Variants in ABI3BP observed in about 807,000 individuals in gnomAD.
ABI3BP encodes target of Nesh-SH3.
In ABI3BP, 216 loss-of-function variants were observed where a neutral mutation model predicts 268.6. That is an observed-to-expected ratio of 0.80 (90% CI 0.72 to 0.90). The LOEUF (loss-of-function observed/expected upper bound fraction) is 0.90. Ranked by LOEUF, ABI3BP falls within the 40% of genes least tolerant of loss-of-function variation. The pLI is 0.00. For synonymous variants in ABI3BP, 730 were observed against 730.0 expected (o/e 1.00, Z 0.00); for missense variants, 2,090 against 2,182.4 (o/e 0.96, Z 0.84).
chr3:100,817,487 T>TA lies in ABI3BP; in HGVS notation c.3096dup (p.Thr1033TyrfsTer4). On this transcript the variant is annotated frameshift_variant, in exon 42 of 68. Coordinates refer to ENST00000471714, the MANE Select transcript of ABI3BP (RefSeq NM_001375547.2). LOFTEE classifies it high-confidence loss of function. ...CTAAAAGTGTCAGGTTCAAGGACTG[T>TA]AGTAACAACTAGACAAAAATAATAA... 1 of 1,491,026 alleles carries TA rather than the reference T, an allele frequency of 6.7e-7. No homozygotes were observed. The highest frequency in any genetic ancestry group is 8.9e-7 in the Non-Finnish European group (1 of 1,118,058). The allele number at this position is 1,491,026 out of a possible 1,614,324, so 92.4% of individuals were successfully genotyped here.
At chr3:100,817,414 C>T (rs1050598147) in intron 42 of ABI3BP, 22 bp downstream of exon 42, 1 of 1,475,188 alleles carries the variant, frequency 6.8e-7, no homozygotes, top group Non-Finnish European at 9.0e-7. Flanking sequence ...AAAAGTTATT[C>T]AGGAACACAG....
At chr3:100,869,667 A>G (rs1490015118) in intron 9 of ABI3BP, among the ~76,000 whole-genome samples, 1 of 152,244 alleles carries the variant, frequency 6.6e-6, no homozygotes, top group Non-Finnish European at 1.5e-5. Context: ...CTGTATATCT[A>G]TAAATGATAT....
chr3:100,830,707 C>G, intron 31 of ABI3BP, 73 bp from the exon 32 acceptor site: 2 of 1,281,040 alleles, frequency 1.6e-6, no homozygotes, highest in Non-Finnish European at 2.1e-6. Context: ...CATCTTACCA[C>G]CAAAAATCGG....
intron 20 of ABI3BP, chr3:100,844,439 C>T (rs1580174333): frequency 2.0e-6 from 2 of 985,310 alleles, no homozygotes; most frequent in South Asian, 9.4e-5. Context: ...GATTTTTACT[C>T]GTTGACTTAA....
At chr3:100,862,455 G>A in intron 13 of ABI3BP, 70 bp from the exon 14 acceptor site, 1 of 1,079,414 alleles carries the variant, frequency 9.3e-7, no homozygotes, top group Admixed American at 2.5e-5. Flanking sequence ...GACAGAAATA[G>A]GTTGCTGGTA....
Position 100,753,832 on chromosome 3 carries a change from A to G in ABI3BP, c.4947T>C (p.Ser1649=), listed in dbSNP as rs753735887. ...FSTESADPRV[S]EPVSAGRDAI... ...ACAGGTACTTACCAGAAACTGGCTC[A>G]CTCACTCTTGGGTCCGCTGAGGAGA... is the stretch of plus-strand genomic sequence containing the variant. Residue 1649 remains serine, a synonymous_variant, in exon 65 of 68, where the codon AGT becomes AGC. Transcript: ENST00000471714. 32 of 1,611,048 alleles carry G rather than the reference A, an allele frequency of 2.0e-5. No homozygotes were observed. Among genetic ancestry groups the G allele is most frequent in the African/African-American group, 1.1e-4 (8 of 74,878 alleles).
chr3:100,935,471 T>G (rs537487765), intron 1 of ABI3BP, among the ~76,000 whole-genome samples: 6 of 152,152 alleles, frequency 3.9e-5, no homozygotes, highest in African/African-American at 1.2e-4. Context: ...GCTCTTTTTT[T>G]ATTCCATATG....
intron 55 of ABI3BP, 45 bp from the exon 56 acceptor site, chr3:100,789,561 G>C (rs1212165963): frequency 6.5e-7 from 1 of 1,543,946 alleles, no homozygotes; most frequent in Non-Finnish European, 8.8e-7. Flanking sequence ...ACAGACCAAA[G>C]CCTCCTGAAT....
rs115467218 is a variant in ABI3BP, at chr3:100,823,588, T to C, written c.2747-74A>G. 5.0e-3 allele frequency: 5,647 copies of C among 1,129,962 alleles called. 24 individuals are homozygous for C. Among genetic ancestry groups the C allele is most frequent in the Non-Finnish European group, 5.8e-3 (4,679 of 805,324 alleles). 70.0% of individuals were successfully genotyped at this position (1,129,962 alleles called of 1,614,324 possible). A position where few individuals can be genotyped will look rare whatever the true frequency, so the allele number is the denominator to read the frequency against. ...GTTAGAACACTCACATGCAAACAAA[T>C]TTTACTGGTATGTCAATTCTTCCAG... On this transcript the variant is annotated intron_variant, in intron 36 of 67. Transcript: ENST00000471714.
At chr3:100,771,053 A>G (rs1037637320) in intron 61 of ABI3BP, 101 bp from the exon 62 acceptor site, 2 of 1,073,792 alleles carry the variant, frequency 1.9e-6, no homozygotes, top group East Asian at 2.9e-5. Context: ...GTCTCATATT[A>G]TAAGCGGATG....
At chr3:100,845,908 G>A (rs1188581203) in intron 20 of ABI3BP, among the ~76,000 whole-genome samples, 1 of 150,450 alleles carries the variant, frequency 6.6e-6, no homozygotes, top group Non-Finnish European at 1.5e-5. Flanking sequence ...AGAGGTCAGT[G>A]TTCAGAAATC....
intron 14 of ABI3BP, among the ~76,000 whole-genome samples, chr3:100,855,785 C>G (rs576213088): frequency 6.6e-6 from 1 of 152,158 alleles, no homozygotes; most frequent in East Asian, 1.9e-4. Context: ...TATGAAGGAG[C>G]AATGAGAAAA....
intron 1 of ABI3BP, among the ~76,000 whole-genome samples, chr3:100,956,214 A>AC (rs2076773937): frequency 7.5e-6 from 1 of 133,708 alleles, no homozygotes; most frequent in Non-Finnish European, 1.6e-5. Flanking sequence ...AAAGAAAAAC[A>AC]ACACACACAC....
At chr3:100,947,402 C>T (rs999609070) in intron 1 of ABI3BP, among the ~76,000 whole-genome samples, 5 of 151,638 alleles carry the variant, frequency 3.3e-5, no homozygotes, top group Admixed American at 6.6e-5. Context: ...TGAATGAATC[C>T]GTTTGAAAAA....
chr3:100,954,402 A>C lies in ABI3BP; in HGVS notation c.80-27921T>G, dbSNP rs1439088103. Among the ~76,000 whole-genome samples, 4 of 152,328 alleles carry C rather than the reference A, an allele frequency of 2.6e-5. No individual in the cohort carries two copies. The East Asian group carries it at 7.7e-4, about 29-fold the overall frequency. On this transcript the variant is annotated intron_variant, in intron 1 of 67. Coordinates refer to ENST00000471714, the MANE Select transcript of ABI3BP (RefSeq NM_001375547.2). ...TTGGATAGAATTTCACTGGCTCACTATCAGTCACGAAATCCCTTCTAATCA... is the reference window on the plus strand; with the variant it reads ...TTGGATAGAATTTCACTGGCTCACTCTCAGTCACGAAATCCCTTCTAATCA...
In ABI3BP at chr3:100,876,701, G is replaced by A. The variant is rs548687425; in HGVS notation, c.697-141C>T. ...CACTGGTTTAATAGTTGCTGGTGGC[G>A]GGGCGTGGTGGCTCACACCTGTAAT... On this transcript the variant is annotated intron_variant, in intron 6 of 67. Transcript: ENST00000471714. 1.2e-4 allele frequency: 85 copies of A among 683,740 alleles called. 1 individual carries two copies. The South Asian group carries it at 1.4e-3, about 11-fold the overall frequency. The allele number at this position is 683,740 out of a possible 1,614,324, so 42.4% of individuals were successfully genotyped here.
chr3:100,810,636 TA>T (rs367601033), intron 48 of ABI3BP, among the ~76,000 whole-genome samples, 159 bp from the exon 49 acceptor site: 16 of 150,952 alleles, frequency 1.1e-4, no homozygotes, highest in Admixed American at 4.0e-4. Context: ...TGCATTTGGT[TA>T]AAAAAAAATG....
At chr3:100,921,077 T>C (rs1426053098) in intron 2 of ABI3BP, among the ~76,000 whole-genome samples, 1 of 152,198 alleles carries the variant, frequency 6.6e-6, no homozygotes, top group Admixed American at 6.5e-5. Flanking sequence ...AGATAGTGAC[T>C]GAGAGGCCTG....
chr3:100,975,274 T>C (rs1684445333), intron 1 of ABI3BP, among the ~76,000 whole-genome samples: 1 of 152,186 alleles, frequency 6.6e-6, no homozygotes, highest in Non-Finnish European at 1.5e-5. Context: ...ATTGTCATAC[T>C]GAAATTCAAC....
Sources: allele counts gnomAD v4.1 joint callset (sites outside exome capture counted in the v4.1 genomes callset), GRCh38; gene constraint gnomAD v4.1.1; transcripts MANE v1.5; gene names NCBI Gene and HGNC (gene_info 2026-07-23, HGNC 2026-07-21).